Variants in GID4 observed in about 807,000 individuals in gnomAD.
The protein encoded by GID4 is glucose-induced degradation protein 4 homolog.
Under a neutral mutation model 32.4 loss-of-function variants are expected in GID4, and 7 were observed. The observed-to-expected ratio is 0.22, with a 90% confidence interval of 0.12 to 0.41. The LOEUF (loss-of-function observed/expected upper bound fraction) is 0.41. Ranked by LOEUF, GID4 falls within the 10% of genes least tolerant of loss-of-function variation. GID4 has a pLI of 1.00. For synonymous variants in GID4, 166 were observed against 170.0 expected (o/e 0.98, Z 0.18); for missense variants, 309 against 400.0 (o/e 0.77, Z 1.94).
At chr17:18,060,790 A>C (rs576493821) in intron 4 of GID4, among the ~76,000 whole-genome samples, 47 of 152,104 alleles carry the variant, frequency 3.1e-4, no homozygotes, top group African/African-American at 1.1e-3. Context: ...CTGGAGTGCA[A>C]TGGCGCGATC....
chr17:18,066,599 C>G lies in GID4; in HGVS notation c.*1356C>G, dbSNP rs2045065994. ...GGCATTTTTCTGGTGGTTTACAAGA[C>G]TTACTCCGAATACAAGAGGAAAAGC... On this transcript the variant is annotated 3_prime_UTR_variant, in exon 6 of 6. Coordinates refer to ENST00000268719, the MANE Select transcript of GID4 (RefSeq NM_024052.5). 6.6e-6 allele frequency: 1 copy of G among 151,970 alleles called. No individual in the cohort carries two copies. Among genetic ancestry groups the G allele is most frequent in the Admixed American group, 6.6e-5 (1 of 15,252 alleles). 9.4% of individuals were successfully genotyped at this position (151,970 alleles called of 1,614,324 possible). A position where few individuals can be genotyped will look rare whatever the true frequency, so the allele number is the denominator to read the frequency against.
At chr17:18,052,888 T>A (rs1487049271) in intron 2 of GID4, among the ~76,000 whole-genome samples, 1 of 152,116 alleles carries the variant, frequency 6.6e-6, no homozygotes, top group East Asian at 1.9e-4. Flanking sequence ...TCTTAGTTCA[T>A]GTGACAGAAT....
chr17:18,041,206 G>A (rs1037041649), intron 1 of GID4, among the ~76,000 whole-genome samples: 26 of 146,402 alleles, frequency 1.8e-4, no homozygotes, highest in African/African-American at 6.3e-4. Flanking sequence ...CCTCCCCCCC[G>A]CCCCACCCCC....
At chr17:18,044,936 A>C (rs2044838240) in intron 1 of GID4, among the ~76,000 whole-genome samples, 1 of 152,198 alleles carries the variant, frequency 6.6e-6, no homozygotes, top group Non-Finnish European at 1.5e-5. Flanking sequence ...AGCTGAAGAA[A>C]GTTGAGAGGG....
intron 5 of GID4, among the ~76,000 whole-genome samples, chr17:18,063,405 A>C (rs2045033953): frequency 6.6e-6 from 1 of 152,078 alleles, no homozygotes; most frequent in Non-Finnish European, 1.5e-5. Context: ...GTGAGACTGC[A>C]TCTCAAAAAA....
intron 5 of GID4, 115 bp from the exon 6 acceptor site, chr17:18,065,065 T>C (rs1353345169): frequency 2.0e-5 from 15 of 743,532 alleles, no homozygotes; most frequent in Non-Finnish European, 7.2e-6. Context: ...TGAATGTGCA[T>C]TTCAGTCCAA....
intron 1 of GID4, among the ~76,000 whole-genome samples, chr17:18,043,043 C>G (rs2044817898): frequency 6.6e-6 from 1 of 152,200 alleles, no homozygotes; most frequent in Admixed American, 6.5e-5. Flanking sequence ...CTCTTTCCTC[C>G]TCTGCCATCT....
chr17:18,064,590 C>T (rs1032145580), intron 5 of GID4, among the ~76,000 whole-genome samples: 17 of 152,282 alleles, frequency 1.1e-4, no homozygotes, highest in African/African-American at 4.1e-4. Flanking sequence ...TTTCTCCTCC[C>T]TCTGCATGAC....
chr17:18,052,575 C>G (rs143907536), intron 2 of GID4, among the ~76,000 whole-genome samples: 73 of 152,334 alleles, frequency 4.8e-4, no homozygotes, highest in African/African-American at 1.7e-3. Flanking sequence ...TAACCATGCT[C>G]CTGGCAGACA....
At chr17:18,041,746 G>A (rs986768567) in intron 1 of GID4, among the ~76,000 whole-genome samples, 8 of 152,198 alleles carry the variant, frequency 5.3e-5, no homozygotes, top group African/African-American at 1.9e-4. Flanking sequence ...ATAGCCAGGC[G>A]TCAAAGGGGA....
At chr17:18,055,655 A>G (rs2044959868) in intron 3 of GID4, among the ~76,000 whole-genome samples, 1 of 151,412 alleles carries the variant, frequency 6.6e-6, no homozygotes, top group Admixed American at 6.6e-5. Context: ...CACTGAGCTC[A>G]TTTTCTTTTA....
chr17:18,050,854 C>A (rs1420362477), intron 2 of GID4, among the ~76,000 whole-genome samples: 2 of 152,190 alleles, frequency 1.3e-5, no homozygotes, highest in Admixed American at 1.3e-4. Context: ...CTCTGTTATT[C>A]ATTTCTCGAT....
rs896216932 is a variant in GID4, at chr17:18,067,062, A to C, written c.*1819A>C. On this transcript the variant is annotated 3_prime_UTR_variant, in exon 6 of 6. Coordinates refer to ENST00000268719, the MANE Select transcript of GID4 (RefSeq NM_024052.5). ...GCATCAGAAGGGCTGGCTGTGGTCA[A>C]GCCCAGCTGCTGTCATGTGAGGAGA... The C allele has an allele frequency of 1.3e-5, 2 of 152,260 alleles. No individual in the cohort carries two copies. Among genetic ancestry groups the C allele is most frequent in the Non-Finnish European group, 2.9e-5 (2 of 68,068 alleles). 9.4% of individuals were successfully genotyped at this position (152,260 alleles called of 1,614,324 possible).
At chr17:18,041,968 A>G (rs2044807790) in intron 1 of GID4, among the ~76,000 whole-genome samples, 1 of 152,218 alleles carries the variant, frequency 6.6e-6, no homozygotes, top group South Asian at 2.1e-4. Context: ...TGGTCATGCC[A>G]ATGAATGCTG....
At chr17:18,059,106 G>A in intron 4 of GID4, 137 bp downstream of exon 4, 1 of 610,454 alleles carries the variant, frequency 1.6e-6, no homozygotes, top group Middle Eastern at 4.4e-4. Flanking sequence ...CTTCATGGCA[G>A]GGTCTTTGCA....
chr17:18,060,735 G>T (rs1363670074), intron 4 of GID4, among the ~76,000 whole-genome samples: 1 of 148,950 alleles, frequency 6.7e-6, no homozygotes, highest in African/African-American at 2.5e-5. Flanking sequence ...GGGTTTTTTT[G>T]TTTGTTTGTT....
chr17:18,041,502 A>G (rs1010269581), intron 1 of GID4, among the ~76,000 whole-genome samples: 1 of 152,236 alleles, frequency 6.6e-6, no homozygotes, highest in African/African-American at 2.4e-5. Context: ...TATAATGGAA[A>G]TACGATTGTG....
chr17:18,058,482 T>C (rs1476186861), intron 3 of GID4, among the ~76,000 whole-genome samples: 1 of 152,242 alleles, frequency 6.6e-6, no homozygotes, highest in Non-Finnish European at 1.5e-5. Flanking sequence ...GCAGGCTGTT[T>C]CTAAGCTGTT....
rs1221206129 is a variant in GID4 at position 18,063,516 on chromosome 17, C to T, written c.839+1541C>T. On this transcript the variant is annotated intron_variant, in intron 5 of 5. Coordinates refer to ENST00000268719, the MANE Select transcript of GID4 (RefSeq NM_024052.5). ...ATAAGAGGAAACCCCATACCCTTAG[C>T]CATTATCCCAAACTCCTCATCCCCT... Among the ~76,000 whole-genome samples, 3 of 152,170 alleles carry T rather than the reference C, an allele frequency of 2.0e-5. No homozygotes were observed. The East Asian group carries it at 5.8e-4, about 29-fold the overall frequency.
Sources: allele counts gnomAD v4.1 joint callset (sites outside exome capture counted in the v4.1 genomes callset), GRCh38; gene constraint gnomAD v4.1.1; transcripts MANE v1.5; gene names NCBI Gene and HGNC (gene_info 2026-07-23, HGNC 2026-07-21).